Variants in JAM2 observed in about 807,000 individuals in gnomAD.
The protein encoded by JAM2 is junctional adhesion molecule 2.
Under a neutral mutation model 42.0 loss-of-function variants are expected in JAM2, and 17 were observed. The ratio of observed to expected loss-of-function variants is 0.40; its 90% confidence interval spans 0.28 to 0.61. The LOEUF (loss-of-function observed/expected upper bound fraction) is 0.61, where lower values mean the gene tolerates loss of function less well. Ranked by LOEUF, JAM2 falls within the 20% of genes least tolerant of loss-of-function variation. The pLI is 0.37. For synonymous variants in JAM2, 118 were observed against 128.6 expected, an observed-to-expected ratio of 0.92 and a Z score of 0.56; for missense variants, 319 against 358.3, an observed-to-expected ratio of 0.89 and a Z score of 0.89.
chr21:25,702,984 C>G (rs540062249), intron 6 of JAM2, among the ~76,000 whole-genome samples: 3 of 152,228 alleles, frequency 2.0e-5, no homozygotes, highest in African/African-American at 7.2e-5. Context: ...TCCCAAGTAG[C>G]TGGGATTACA....
At chr21:25,656,869 G>A (rs2032952748) in intron 1 of JAM2, among the ~76,000 whole-genome samples, 1 of 152,044 alleles carries the variant, frequency 6.6e-6, no homozygotes, top group African/African-American at 2.4e-5. Context: ...ATTTATATTT[G>A]GCCACAAGTT....
intron 1 of JAM2, among the ~76,000 whole-genome samples, chr21:25,649,698 A>G (rs1224090612): frequency 5.3e-5 from 8 of 152,224 alleles, no homozygotes; most frequent in Non-Finnish European, 1.5e-5. Flanking sequence ...TCTATATCCC[A>G]TAATGAGCAA....
chr21:25,685,524 CAAAAAAAAAAA>C (rs776114627), intron 2 of JAM2, among the ~76,000 whole-genome samples: 2 of 50,426 alleles, frequency 4.0e-5, no homozygotes, highest in African/African-American at 1.8e-4. Context: ...GAGAATGTCT[CAAAAAAAAAAA>C]AAAAAAAAAA....
chr21:25,655,190 A>G (rs1287239430), intron 1 of JAM2, among the ~76,000 whole-genome samples: 8 of 152,120 alleles, frequency 5.3e-5, no homozygotes, highest in Non-Finnish European at 1.5e-5. Flanking sequence ...TGTAGTAAAC[A>G]TGATAAAATC....
chr21:25,699,657 A>G (rs1479282718), intron 5 of JAM2, among the ~76,000 whole-genome samples: 1 of 131,054 alleles, frequency 7.6e-6, no homozygotes, highest in Non-Finnish European at 1.6e-5. Flanking sequence ...CGGGAGGCGG[A>G]GCTTGCAGTG....
chr21:25,654,532 C>G (rs2032872548), intron 1 of JAM2, among the ~76,000 whole-genome samples: 2 of 151,184 alleles, frequency 1.3e-5, no homozygotes, highest in Admixed American at 6.6e-5. Flanking sequence ...CCTGTAATCT[C>G]AACTACTTGG....
intron 1 of JAM2, among the ~76,000 whole-genome samples, chr21:25,672,709 C>A (rs1402597610): frequency 6.6e-6 from 1 of 152,148 alleles, no homozygotes; most frequent in Non-Finnish European, 1.5e-5. Flanking sequence ...ACAACGCAGA[C>A]CATGTCTCAT....
intron 9 of JAM2, among the ~76,000 whole-genome samples, chr21:25,712,878 G>A (rs539100436): frequency 6.6e-6 from 1 of 152,264 alleles, no homozygotes; most frequent in African/African-American, 2.4e-5. Context: ...AGTCATTTGG[G>A]CTGCTATAAC....
chr21:25,661,951 G>A lies in JAM2; in HGVS notation c.68-21932G>A, dbSNP rs141733593. Among the ~76,000 whole-genome samples, 358 of 152,006 alleles carry A rather than the reference G, an allele frequency of 2.4e-3. 4 individuals carry two copies. The highest frequency in any genetic ancestry group is 8.2e-3 in the African/African-American group (341 of 41,358). ...TTGCAGAACATGCTGCAGAATAACC[G>A]TGGATATGTATAGATGTGGGTGTGT... On this transcript the variant is annotated intron_variant, in intron 1 of 9. Coordinates refer to ENST00000480456, the MANE Select transcript of JAM2 (RefSeq NM_021219.4).
chr21:25,699,701 T>G lies in JAM2; in HGVS notation c.597+822T>G, dbSNP rs376304580. On this transcript the variant is annotated intron_variant, in intron 5 of 9. Transcript: ENST00000480456. ...TCGCGCCACTGCGCTCCAGCCTGGG[T>G]GACAGAGCCAGGCTCCGTCTCAAAA... Among the ~76,000 whole-genome samples, 53 of 114,700 alleles carry G rather than the reference T, an allele frequency of 4.6e-4. No individual in the cohort carries two copies. The East Asian group carries it at 0.01, about 22-fold the overall frequency. 75.2% of individuals were successfully genotyped at this position (114,700 alleles called of 152,430 possible).
intron 3 of JAM2, chr21:25,692,470 A>T (rs969396586): frequency 1.6e-5 from 3 of 193,224 alleles, no homozygotes; most frequent in African/African-American, 7.1e-5. Flanking sequence ...TCTGTTTGAC[A>T]AAATCTATGG....
At chr21:25,643,357 C>CAAGG (rs2032502184) in intron 1 of JAM2, 1 of 152,194 alleles carries the variant, frequency 6.6e-6, no homozygotes. Flanking sequence ...GATCATGAAT[C>CAAGG]AGTTCCTGAT....
chr21:25,690,947 C>A (rs911109401), intron 3 of JAM2, among the ~76,000 whole-genome samples: 2 of 152,022 alleles, frequency 1.3e-5, no homozygotes, highest in Non-Finnish European at 2.9e-5. Context: ...TTATAATGTC[C>A]ATTTGCTTCA....
chr21:25,688,240 A>AG (rs946040311), intron 2 of JAM2, among the ~76,000 whole-genome samples: 9 of 117,460 alleles, frequency 7.7e-5, no homozygotes, highest in South Asian at 3.7e-4. Flanking sequence ...ATTCACCAGG[A>AG]GGGGTGTGTG....
intron 1 of JAM2, among the ~76,000 whole-genome samples, chr21:25,672,704 G>A (rs756022746): frequency 2.0e-5 from 3 of 152,128 alleles, no homozygotes; most frequent in Non-Finnish European, 4.4e-5. Flanking sequence ...TATACACAAC[G>A]CAGACCATGT....
chr21:25,705,847 G>T, intron 6 of JAM2, 132 bp from the exon 7 acceptor site: 1 of 620,642 alleles, frequency 1.6e-6, no homozygotes. Context: ...AGTTGAACAG[G>T]CTTCACAATC....
Position 25,639,800 on chromosome 21 carries a change from A to C in JAM2, c.-22A>C, listed in dbSNP as rs1342174102. 1 of 1,559,036 alleles carries C rather than the reference A, an allele frequency of 6.4e-7. No individual in the cohort carries two copies. The highest frequency in any genetic ancestry group is 8.7e-7 in the Non-Finnish European group (1 of 1,154,372). ...CCGGGACCCTCGACCTCCTCAGAGCAGCCGGCTGCCGCCCCGGGAAGATGG... is the reference window on the plus strand; with the variant it reads ...CCGGGACCCTCGACCTCCTCAGAGCCGCCGGCTGCCGCCCCGGGAAGATGG... On this transcript the variant is annotated 5_prime_UTR_variant, in exon 1 of 10. Coordinates refer to ENST00000480456, the MANE Select transcript of JAM2 (RefSeq NM_021219.4).
At chr21:25,650,120 C>G (rs1410486247) in intron 1 of JAM2, among the ~76,000 whole-genome samples, 2 of 152,188 alleles carry the variant, frequency 1.3e-5, no homozygotes, top group Non-Finnish European at 2.9e-5. Context: ...CCAAACACCT[C>G]TTAAAGGTCC....
At chr21:25,700,146 A>T (rs888518790) in intron 5 of JAM2, among the ~76,000 whole-genome samples, 1 of 152,228 alleles carries the variant, frequency 6.6e-6, no homozygotes, top group African/African-American at 2.4e-5. Context: ...ACATTTAAAA[A>T]TAAAAAGTAT....
Sources: allele counts gnomAD v4.1 joint callset (sites outside exome capture counted in the v4.1 genomes callset), GRCh38; gene constraint gnomAD v4.1.1; transcripts MANE v1.5; gene names NCBI Gene and HGNC (gene_info 2026-07-23, HGNC 2026-07-21).